ADAMTS12: variants seen among roughly 807,000 people sequenced by gnomAD.
ADAMTS12 encodes the protein A disintegrin and metalloproteinase with thrombospondin motifs 12.
ADAMTS12 carries 118 observed loss-of-function variants against 167.8 expected under a neutral mutation model. The observed-to-expected ratio is 0.70, with a 90% confidence interval of 0.61 to 0.82. The LOEUF (loss-of-function observed/expected upper bound fraction) is 0.82. Among genes scored for constraint, ADAMTS12 ranks in the 40% least tolerant of loss-of-function variants. The pLI, the probability that ADAMTS12 is intolerant of heterozygous loss-of-function variation, is 0.00. For synonymous variants in ADAMTS12, 704 were observed against 716.9 expected (o/e 0.98, Z 0.29); for missense variants, 1,916 against 1,998.8 (o/e 0.96, Z 0.79).
chr5:33,566,440 G>A (rs544197218), intron 19 of ADAMTS12, among the ~76,000 whole-genome samples: 27 of 152,202 alleles, frequency 1.8e-4, no homozygotes, highest in African/African-American at 6.0e-4. Flanking sequence ...CTCCGACCTG[G>A]GTGACAGAGT....
At position 33,841,056 on chromosome 5, in the gene ADAMTS12, C is replaced by G. The variant is rs1173395775; in HGVS notation, c.489+40063G>C. Among the ~76,000 whole-genome samples, 4 of 152,180 alleles carry G rather than the reference C, an allele frequency of 2.6e-5. No homozygotes were observed. In the East Asian group the frequency reaches 7.7e-4, roughly 29 times the overall value. ...CACATATGGCCAATTGAGCTGCTCC[C>G]ACCCTTAGCTCTGTCTTGTCCCCCC... On this transcript the variant is annotated intron_variant, in intron 2 of 23. Transcript: ENST00000504830.
intron 2 of ADAMTS12, among the ~76,000 whole-genome samples, chr5:33,798,561 C>A (rs1358110151): frequency 6.6e-6 from 1 of 151,476 alleles, no homozygotes; most frequent in Admixed American, 6.6e-5. Context: ...CCACCTCAGC[C>A]TCCCGAGTAG....
intron 2 of ADAMTS12, among the ~76,000 whole-genome samples, chr5:33,760,384 A>G (rs1314797472): frequency 6.6e-6 from 1 of 152,210 alleles, no homozygotes; most frequent in Non-Finnish European, 1.5e-5. Context: ...AAAAAAAAAA[A>G]AAGATTTGAA....
intron 19 of ADAMTS12, among the ~76,000 whole-genome samples, chr5:33,564,112 G>A (rs1745884547): frequency 1.3e-5 from 2 of 152,216 alleles, no homozygotes; most frequent in Non-Finnish European, 2.9e-5. Context: ...CAGGCCAGAA[G>A]GCAGGAGGAC....
At chr5:33,849,050 A>T (rs1424039743) in intron 2 of ADAMTS12, among the ~76,000 whole-genome samples, 9 of 147,954 alleles carry the variant, frequency 6.1e-5, no homozygotes, top group African/African-American at 2.2e-4. Flanking sequence ...TATGTATTGC[A>T]TAGCAATATA....
chr5:33,644,636 G>A (rs1740591990), intron 9 of ADAMTS12, among the ~76,000 whole-genome samples: 1 of 151,828 alleles, frequency 6.6e-6, no homozygotes, highest in African/African-American at 2.4e-5. Context: ...GTTCTTAAGG[G>A]CTTGTTAAGG....
intron 13 of ADAMTS12, among the ~76,000 whole-genome samples, chr5:33,625,666 T>C (rs1739553391): frequency 6.6e-6 from 1 of 152,174 alleles, no homozygotes; most frequent in Admixed American, 6.5e-5. Flanking sequence ...TAGTTTTATA[T>C]TTCTAAAGTA....
intron 2 of ADAMTS12, among the ~76,000 whole-genome samples, chr5:33,861,303 C>T (rs1749606503): frequency 6.6e-6 from 1 of 152,064 alleles, no homozygotes; most frequent in South Asian, 2.1e-4. Context: ...TGCAAAGACA[C>T]ACATAGGCTC....
chr5:33,600,674 A>C (rs1738144021), intron 16 of ADAMTS12, among the ~76,000 whole-genome samples: 1 of 152,200 alleles, frequency 6.6e-6, no homozygotes, highest in African/African-American at 2.4e-5. Flanking sequence ...AATACTGTTA[A>C]GGTCTCTTTT....
chr5:33,551,862 G>A (rs751225960), intron 20 of ADAMTS12, among the ~76,000 whole-genome samples: 4 of 152,152 alleles, frequency 2.6e-5, no homozygotes, highest in African/African-American at 4.8e-5. Flanking sequence ...CAGTCCTAAC[G>A]CTCTTTTGCT....
intron 2 of ADAMTS12, among the ~76,000 whole-genome samples, chr5:33,781,211 C>A (rs1210409953): frequency 6.6e-6 from 1 of 151,808 alleles, no homozygotes; most frequent in Non-Finnish European, 1.5e-5. Context: ...CACACACATG[C>A]AAATGTCTGT....
At chr5:33,704,803 T>C (rs1264566203) in intron 3 of ADAMTS12, among the ~76,000 whole-genome samples, 1 of 152,234 alleles carries the variant, frequency 6.6e-6, no homozygotes, top group Admixed American at 6.5e-5. Context: ...ATTTTGTTAA[T>C]TGTGTCTTTT....
At chr5:33,614,871 G>T (rs1251943959) in intron 15 of ADAMTS12, among the ~76,000 whole-genome samples, 1 of 152,188 alleles carries the variant, frequency 6.6e-6, no homozygotes, top group Non-Finnish European at 1.5e-5. Context: ...CATGGAAAGT[G>T]GTTAGAACAG....
chr5:33,802,572 T>C (rs1025711539), intron 2 of ADAMTS12, among the ~76,000 whole-genome samples: 8 of 152,154 alleles, frequency 5.3e-5, no homozygotes, highest in African/African-American at 1.7e-4. Context: ...TCCCCATGAC[T>C]CCCGTTAAAT....
chr5:33,782,447 T>C (rs1210369108), intron 2 of ADAMTS12, among the ~76,000 whole-genome samples: 1 of 151,942 alleles, frequency 6.6e-6, no homozygotes, highest in African/African-American at 2.4e-5. Flanking sequence ...ACATCAATAA[T>C]GACATTAAAT....
At chr5:33,678,282 C>T (rs1046889051) in intron 5 of ADAMTS12, among the ~76,000 whole-genome samples, 1 of 152,242 alleles carries the variant, frequency 6.6e-6, no homozygotes, top group Non-Finnish European at 1.5e-5. Context: ...TGACAGACTG[C>T]TGGCCTCATT....
At chr5:33,566,898 T>A (rs1227508494) in intron 19 of ADAMTS12, among the ~76,000 whole-genome samples, 1 of 152,078 alleles carries the variant, frequency 6.6e-6, no homozygotes, top group Non-Finnish European at 1.5e-5. Flanking sequence ...CCTTTTCCCT[T>A]TCTGATTGAC....
intron 3 of ADAMTS12, among the ~76,000 whole-genome samples, chr5:33,722,306 C>G (rs1176059681): frequency 6.6e-6 from 1 of 151,974 alleles, no homozygotes; most frequent in Non-Finnish European, 1.5e-5. Context: ...TACTACTGAC[C>G]CTGTATTGTG....
chr5:33,658,835 A>C (rs914378735), intron 6 of ADAMTS12, among the ~76,000 whole-genome samples: 2 of 152,230 alleles, frequency 1.3e-5, no homozygotes, highest in Non-Finnish European at 2.9e-5. Context: ...TTGTCTATCC[A>C]GCCCCATTCC....
Sources: allele counts gnomAD v4.1 joint callset (sites outside exome capture counted in the v4.1 genomes callset), GRCh38; gene constraint gnomAD v4.1.1; transcripts MANE v1.5; gene names NCBI Gene and HGNC (gene_info 2026-07-23, HGNC 2026-07-21).